FSIP2: variants seen among roughly 807,000 people sequenced by gnomAD.
FSIP2 encodes the protein fibrous sheath-interacting protein 2.
In FSIP2, 367 loss-of-function variants were observed where a neutral mutation model predicts 510.5. That is an observed-to-expected ratio of 0.72 (90% confidence interval 0.66 to 0.78). The LOEUF (loss-of-function observed/expected upper bound fraction) is 0.78, where lower values mean the gene tolerates loss of function less well. FSIP2 is among the 30% of genes least tolerant of loss of function. The pLI is 0.00. For synonymous variants in FSIP2, 2,601 were observed against 2,732.2 expected (o/e 0.95, Z 1.50); for missense variants, 7,594 against 7,901.7 (o/e 0.96, Z 1.48).
intron 19 of FSIP2, 119 bp from the exon 20 acceptor site, chr2:185,824,315 T>C (rs1693976060): frequency 1.4e-6 from 1 of 693,650 alleles, no homozygotes; most frequent in Non-Finnish European, 2.5e-6. Flanking sequence ...GGAATCTCAG[T>C]GAATAGTATA....
intron 13 of FSIP2, chr2:185,766,287 CA>C (rs1423290055): frequency 6.6e-6 from 1 of 151,226 alleles, no homozygotes; most frequent in African/African-American, 2.4e-5. Context: ...ACACCAAAAG[CA>C]ATGGCAACAA....
chr2:185,787,300 T>C (rs1693012589), intron 15 of FSIP2, among the ~76,000 whole-genome samples: 1 of 151,806 alleles, frequency 6.6e-6, no homozygotes, highest in African/African-American at 2.4e-5. Context: ...GTTAAAAATA[T>C]GTTTGTGTAT....
intron 19 of FSIP2, among the ~76,000 whole-genome samples, chr2:185,819,661 G>A (rs1032352967): frequency 1.4e-4 from 22 of 151,808 alleles, no homozygotes; most frequent in Admixed American, 1.3e-3. Flanking sequence ...CTTTATGACA[G>A]TGTGAAAGCA....
In FSIP2 at chr2:185,791,950, G is replaced by A. The variant is rs1042082935; in HGVS notation, c.4814G>A (p.Gly1605Asp). The change falls in exon 16 of 23, where the codon GGT becomes GAT. Residue 1605 changes from glycine to aspartate, a missense_variant. By Grantham distance (94) the Gly-to-Asp change is moderately conservative (BLOSUM62 -1). Coordinates refer to ENST00000424728, the MANE Select transcript of FSIP2 (RefSeq NM_173651.4). The part of the protein sequence containing the change: ...GFANGHLEIL[G>D]AINDGNKKSN... ...GCCAACGGACATTTAGAAATTTTGG[G>A]TGCTATTAATGATGGAAATAAGAAA... The A allele has an allele frequency of 6.5e-7, 1 of 1,533,730 alleles. No individual in the cohort carries two copies. The highest frequency in any genetic ancestry group is 8.7e-7 in the Non-Finnish European group (1 of 1,145,222).
intron 9 of FSIP2, among the ~76,000 whole-genome samples, chr2:185,760,505 T>C (rs1175679688): frequency 6.8e-6 from 1 of 147,354 alleles, no homozygotes; most frequent in African/African-American, 2.4e-5. Context: ...TTATATTTAT[T>C]ATAATAAAAT....
rs1693369945 is a variant in FSIP2 at position 185,799,404 on chromosome 2, A to T, written c.10391-293A>T. Among the ~76,000 whole-genome samples, 12 of 151,786 alleles carry T rather than the reference A, an allele frequency of 7.9e-5. No individual in the cohort carries two copies. In the Admixed American group the frequency reaches 7.9e-4, roughly 10 times the overall value. On this transcript the variant is annotated intron_variant, in intron 16 of 22. Transcript: ENST00000424728. ...AGCCTGGAAATTATTTCTCTGCCCC[A>T]AGCTTTCCAGCTTCTTAAGAGTTCA...
In FSIP2 at chr2:185,788,780, C is replaced by T. The variant is rs893407681; in HGVS notation, c.1644C>T (p.Asp548=). Residue 548 remains aspartate (D), a synonymous_variant, in exon 16 of 23, where the codon GAC becomes GAT. Transcript: ENST00000424728. ...LQNNTYPVSD[D]SILSSDSSSF... Reference sequence around the variant, plus strand: ...ATAATACATACCCAGTATCTGATGACTCCATCCTCTCTTCAGATAGTTCAA... The same window carrying T: ...ATAATACATACCCAGTATCTGATGATTCCATCCTCTCTTCAGATAGTTCAA... 17 of 1,534,268 alleles carry T rather than the reference C, an allele frequency of 1.1e-5. No homozygotes were observed. Among genetic ancestry groups the T allele is most frequent in the Non-Finnish European group, 1.3e-5 (15 of 1,145,686 alleles).
chr2:185,764,702 C>A, intron 13 of FSIP2, 137 bp downstream of exon 13: 1 of 632,002 alleles, frequency 1.6e-6, no homozygotes, highest in Non-Finnish European at 2.8e-6. Flanking sequence ...AATTTTTGCT[C>A]AGGGTTCTTA....
rs141810407 is a variant in FSIP2, at chr2:185,751,320, T to C, written c.871-2402T>C. Among the ~76,000 whole-genome samples, 194 of 151,690 alleles carry C rather than the reference T, an allele frequency of 1.3e-3. 1 individual carries two copies. The highest frequency in any genetic ancestry group is 4.6e-3 in the African/African-American group (189 of 41,478). On this transcript the variant is annotated intron_variant, in intron 7 of 22. Coordinates refer to ENST00000424728, the MANE Select transcript of FSIP2 (RefSeq NM_173651.4). The stretch of plus-strand genomic sequence containing the variant: ...ATTTGTTTATTGTTATGAAAATATT[T>C]TATTTTCCTGTTATTATTCTTTGCT...
Position 185,789,053 on chromosome 2 carries a change from G to A in FSIP2, c.1917G>A (p.Lys639=), listed in dbSNP as rs1409465072. The A allele has an allele frequency of 2.0e-6, 3 of 1,534,184 alleles. No homozygotes were observed. The highest frequency in any genetic ancestry group is 2.6e-6 in the Non-Finnish European group (3 of 1,145,626). ...NKTNLLYSYP[K]LRSCKSDSHL... is the part of the protein sequence containing the mutation. Reference sequence around the variant, plus strand: ...CCAACTTGCTATATTCATACCCTAAGCTCAGAAGTTGTAAATCAGATAGTC... The same window carrying A: ...CCAACTTGCTATATTCATACCCTAAACTCAGAAGTTGTAAATCAGATAGTC... Residue 639 remains lysine (K), a synonymous_variant, in exon 16 of 23, where the codon AAG becomes AAA. Coordinates refer to ENST00000424728, the MANE Select transcript of FSIP2 (RefSeq NM_173651.4).
chr2:185,793,711 C>T lies in FSIP2; in HGVS notation c.6575C>T (p.Thr2192Met), dbSNP rs10490391. ...SARLPLTFCDTFPKIDCQQPL... is the reference protein window; with the variant it reads ...SARLPLTFCDMFPKIDCQQPL... ...AGATTGCCCCTGACATTTTGTGATACGTTTCCAAAAATAGACTGTCAACAG... is the reference window on the plus strand; with the variant it reads ...AGATTGCCCCTGACATTTTGTGATATGTTTCCAAAAATAGACTGTCAACAG... Residue 2192 changes from threonine (T) to methionine (M), a missense_variant, in exon 16 of 23, where the codon ACG (threonine) becomes ATG (methionine). Transcript: ENST00000424728. The T allele has an allele frequency of 0.54, 831,586 of 1,533,772 alleles. 226,961 individuals carry two copies. Among genetic ancestry groups the T allele is most frequent in the South Asian group, 0.64 (53,723 of 84,014 alleles).
Position 185,808,392 on chromosome 2 carries a change from G to A in FSIP2, c.19086G>A (p.Leu6362=). 6.2e-7 allele frequency: 1 copy of A among 1,610,594 alleles called. No homozygotes were observed. ...TGTTCTTGGCTAAACTAATAAGGTT[G>A]CCAAGTTCCTCAAGCAAAGATGAAA... is the stretch of plus-strand genomic sequence containing the variant. ...LALFLAKLIR[L]PSSSSKDEKN... The change falls in exon 17 of 23, where the codon TTG becomes TTA. Residue 6362 remains leucine, a synonymous_variant. Transcript: ENST00000424728.
intron 2 of FSIP2, 71 bp from the exon 3 acceptor site, chr2:185,743,062 C>A: frequency 9.7e-7 from 1 of 1,029,704 alleles, no homozygotes; most frequent in Non-Finnish European, 1.3e-6. Flanking sequence ...AATGAACATT[C>A]TAATCATTTT....
rs984702785 is a variant in FSIP2 at position 185,807,208 on chromosome 2, G to C, written c.17902G>C (p.Asp5968His). The change falls in exon 17 of 23, where the codon GAT becomes CAT. Residue 5968 changes from aspartate (D) to histidine (H), a missense_variant. Asp to His is a moderately conservative substitution (Grantham distance 81). Coordinates refer to ENST00000424728, the MANE Select transcript of FSIP2 (RefSeq NM_173651.4). ...FQRQVNLIFC[D>H]EVSVSACLPL... ...ACGTCAGGTTAACTTGATATTTTGT[G>C]ATGAGGTTTCAGTTTCAGCATGTTT... 10 of 1,603,834 alleles carry C rather than the reference G, an allele frequency of 6.2e-6. No homozygotes were observed. The highest frequency in any genetic ancestry group is 8.5e-6 in the Non-Finnish European group (10 of 1,176,818).
In FSIP2 at chr2:185,795,491, C is replaced by T. The variant is rs1693245141; in HGVS notation, c.8355C>T (p.Thr2785=). ...VNTVLQELYV[T]NNCNLAYPMK... ...CAGTTTTGCAAGAATTATATGTTAC[C>T]AATAACTGCAATTTGGCTTACCCGA... The change falls in exon 16 of 23, where the codon ACC becomes ACT. Residue 2785 remains threonine, a synonymous_variant. Coordinates refer to ENST00000424728, the MANE Select transcript of FSIP2 (RefSeq NM_173651.4). 7 of 1,534,648 alleles carry T rather than the reference C, an allele frequency of 4.6e-6. No individual in the cohort carries two copies. The highest frequency in any genetic ancestry group is 1.7e-4 in the Middle Eastern group (1 of 5,980).
At chr2:185,826,524 G>T (rs1450114668) in intron 20 of FSIP2, among the ~76,000 whole-genome samples, 1 of 151,712 alleles carries the variant, frequency 6.6e-6, no homozygotes, top group Non-Finnish European at 1.5e-5. Context: ...GTCTTCACTG[G>T]CCACACTCTG....
rs554921369 is a variant in FSIP2, at chr2:185,788,818, C to T, written c.1682C>T (p.Thr561Met). 32 of 1,534,348 alleles carry T rather than the reference C, an allele frequency of 2.1e-5. No individual in the cohort carries two copies. In the East Asian group the frequency reaches 2.7e-4, roughly 13 times the overall value. Residue 561 changes from threonine (T) to methionine (M), a missense_variant, in exon 16 of 23, where the codon ACG (threonine) becomes ATG (methionine). Thr to Met is a moderately conservative substitution (Grantham distance 81, BLOSUM62 -1). Transcript: ENST00000424728. ...LSSDSSSFCS[T>M]CSEDFTYRSY... ...TCAGATAGTTCAAGTTTCTGTAGCA[C>T]GTGCAGTGAAGACTTTACATATAGA...
At chr2:185,823,113 G>A (rs1276499456) in intron 19 of FSIP2, among the ~76,000 whole-genome samples, 1 of 151,840 alleles carries the variant, frequency 6.6e-6, no homozygotes, top group Non-Finnish European at 1.5e-5. Flanking sequence ...TTTGTTGGAA[G>A]ACATGGGAAA....
Position 185,792,468 on chromosome 2 carries a change from G to T in FSIP2, c.5332G>T (p.Ala1778Ser). 1.3e-6 allele frequency: 2 copies of T among 1,529,986 alleles called. No individual in the cohort carries two copies. Among genetic ancestry groups the T allele is most frequent in the African/African-American group, 1.4e-5 (1 of 72,808 alleles). The allele number at this position is 1,529,986 out of a possible 1,614,324, so 94.8% of individuals were successfully genotyped here. A position where few individuals can be genotyped will look rare whatever the true frequency, so the allele number is the denominator to read the frequency against. The change falls in exon 16 of 23, where the codon GCT becomes TCT. Residue 1778 changes from alanine to serine, a missense_variant. By Grantham distance (99) the Ala-to-Ser change is moderately conservative (BLOSUM62 1). Coordinates refer to ENST00000424728, the MANE Select transcript of FSIP2 (RefSeq NM_173651.4). ...KLKEPHISPI[A>S]PIIRNILNEI... ...CAAAGAACCACATATATCTCCAATT[G>T]CTCCCATTATAAGAAATATTTTGAA...
Sources: gnomAD v4.1 joint callset for allele counts (sites outside exome capture counted in the v4.1 genomes callset) on GRCh38, gnomAD v4.1.1 for gene constraint, MANE v1.5 for transcripts, NCBI Gene and HGNC (gene_info 2026-07-23, HGNC 2026-07-21) for gene names.